ZC3H3: variants seen among roughly 807,000 people sequenced by gnomAD.
The protein encoded by ZC3H3 is zinc finger CCCH domain-containing protein 3.
A neutral mutation model predicts 77.3 loss-of-function variants in ZC3H3; 36 were observed. That is an observed-to-expected ratio of 0.47 (90% confidence interval 0.36 to 0.61). The LOEUF is 0.61. Among genes scored for constraint, ZC3H3 ranks in the 20% least tolerant of loss-of-function variants. ZC3H3 has a pLI of 0.00. For synonymous variants in ZC3H3, 626 were observed against 555.2 expected (o/e 1.13, Z -1.79); for missense variants, 1,331 against 1,312.2 (o/e 1.01, Z -0.22).
chr8:143,492,243 C>T (rs961895121), intron 4 of ZC3H3, among the ~76,000 whole-genome samples: 3 of 152,138 alleles, frequency 2.0e-5, no homozygotes, highest in Non-Finnish European at 2.9e-5. Flanking sequence ...GGCCTCCAGG[C>T]GCCCCCTCCT....
intron 3 of ZC3H3, among the ~76,000 whole-genome samples, chr8:143,518,393 G>A (rs1822129585): frequency 6.6e-6 from 1 of 152,256 alleles, no homozygotes; most frequent in Admixed American, 6.5e-5. Context: ...CTTCTCTCAG[G>A]AATCCTCTTC....
At chr8:143,478,059 A>G (rs383842) in intron 4 of ZC3H3, among the ~76,000 whole-genome samples, 3,228 of 152,268 alleles carry the variant, frequency 0.021, 115 homozygotes, top group African/African-American at 0.073. Flanking sequence ...CCCACGGCAC[A>G]GGCTGGGTTC....
At chr8:143,482,774 C>G (rs1014509282) in intron 4 of ZC3H3, among the ~76,000 whole-genome samples, 1 of 152,228 alleles carries the variant, frequency 6.6e-6, no homozygotes, top group South Asian at 2.1e-4. Flanking sequence ...GGACGTGACA[C>G]AGGGACGTGC....
intron 4 of ZC3H3, among the ~76,000 whole-genome samples, chr8:143,503,738 C>T (rs1354023766): frequency 1.3e-5 from 2 of 150,704 alleles, no homozygotes; most frequent in East Asian, 3.9e-4. Flanking sequence ...CTCCAGCACC[C>T]AGCCATCCCC....
chr8:143,460,450 C>T lies in ZC3H3; in HGVS notation c.2307+5267G>A, dbSNP rs549609188. On this transcript the variant is annotated intron_variant, in intron 9 of 11. Transcript: ENST00000262577. This position sits in a 1 kb window ranked among gnomAD's most constrained non-coding sequence, Gnocchi z 4.0. ...GGGAGGGTGTGGAGAAACGGGAACCCGTGCGCCGTTGCTGGGAACGTAAAG... is the reference window on the plus strand; with the variant it reads ...GGGAGGGTGTGGAGAAACGGGAACCTGTGCGCCGTTGCTGGGAACGTAAAG... 1.3e-5 allele frequency among the ~76,000 whole-genome samples: 2 copies of T among 152,146 alleles called. No homozygotes were observed. The highest frequency in any genetic ancestry group is 1.9e-4 in the East Asian group (1 of 5,186).
In ZC3H3 at chr8:143,533,628, C is replaced by T. The variant is rs1822692658; in HGVS notation, c.1561+2629G>A. Among the ~76,000 whole-genome samples, 1 of 152,098 alleles carries T rather than the reference C, an allele frequency of 6.6e-6. No individual in the cohort carries two copies. Among genetic ancestry groups the T allele is most frequent in the South Asian group, 2.1e-4 (1 of 4,822 alleles). On this transcript the variant is annotated intron_variant, in intron 3 of 11. Transcript: ENST00000262577. The surrounding 1 kb of genome is among the most constrained non-coding windows in gnomAD (Gnocchi z 4.0). ...TGGGCAAGTGAGTGGGACGCCTTCCCCACCCCTTCCTCAGACAGGACCCTC... is the reference window on the plus strand; with the variant it reads ...TGGGCAAGTGAGTGGGACGCCTTCCTCACCCCTTCCTCAGACAGGACCCTC...
rs772587287 is a variant in ZC3H3 at position 143,465,698 on chromosome 8, G to A, written c.2307+19C>T. 7.4e-6 allele frequency: 12 copies of A among 1,612,730 alleles called. No homozygotes were observed. Among genetic ancestry groups the A allele is most frequent in the Non-Finnish European group, 1.0e-5 (12 of 1,179,566 alleles). ...AGCCACAGGAACCCCGCCCACTCGGGCCCCCACAGACCACTCACCTTTGCA... is the reference window on the plus strand; with the variant it reads ...AGCCACAGGAACCCCGCCCACTCGGACCCCCACAGACCACTCACCTTTGCA... On this transcript the variant is annotated intron_variant, in intron 9 of 11. Transcript: ENST00000262577.
intron 3 of ZC3H3, among the ~76,000 whole-genome samples, chr8:143,531,423 G>C (rs890709252): frequency 5.9e-5 from 9 of 152,216 alleles, no homozygotes; most frequent in African/African-American, 2.2e-4. Flanking sequence ...AGAGGACTTC[G>C]GAGGGCCGGG....
At chr8:143,484,623 G>A (rs77904014) in intron 4 of ZC3H3, 2,259 of 165,050 alleles carry the variant, frequency 0.014, 47 homozygotes, top group African/African-American at 0.052. Context: ...CAGCTCGTCC[G>A]GCAGAGGTGC....
chr8:143,507,859 C>A lies in ZC3H3; in HGVS notation c.1602G>T (p.Lys534Asn). 1 of 1,609,822 alleles carries A rather than the reference C, an allele frequency of 6.2e-7. No individual in the cohort carries two copies. Among genetic ancestry groups the A allele is most frequent in the African/African-American group, 1.3e-5 (1 of 74,934 alleles). Residue 534 changes from lysine to asparagine, a missense_variant, in exon 4 of 12, where the codon AAG becomes AAT. Transcript: ENST00000262577. ...CAATGCGGTAGCGGGTCTTGATCAC[C>A]TTGCTGGTGGGTGCAGTCCGCACGG... ...LHAVRTAPTS[K>N]VIKTRYRIVK...
At chr8:143,535,400 C>T (rs1822761503) in intron 3 of ZC3H3, among the ~76,000 whole-genome samples, 1 of 152,184 alleles carries the variant, frequency 6.6e-6, no homozygotes, top group African/African-American at 2.4e-5. Flanking sequence ...CTGCTCAATC[C>T]CCAACGCCCC....
At chr8:143,464,428 C>T (rs551538672) in intron 9 of ZC3H3, among the ~76,000 whole-genome samples, 20 of 152,318 alleles carry the variant, frequency 1.3e-4, no homozygotes, top group African/African-American at 4.6e-4. Flanking sequence ...CTGGCCAACC[C>T]TTGGCCCGGC....
At chr8:143,491,360 C>T (rs57658017) in intron 4 of ZC3H3, among the ~76,000 whole-genome samples, 17,596 of 152,324 alleles carry the variant, frequency 0.12, 1,302 homozygotes, top group Admixed American at 0.2. Flanking sequence ...CTGTGGCCTG[C>T]GGTTCCGCCA....
intron 9 of ZC3H3, among the ~76,000 whole-genome samples, chr8:143,459,591 C>T (rs138876448): frequency 6.6e-6 from 1 of 152,232 alleles, no homozygotes; most frequent in Non-Finnish European, 1.5e-5. Flanking sequence ...TAACCAATTA[C>T]TCCCAGATGC....
chr8:143,522,472 G>A (rs1256471697), intron 3 of ZC3H3, among the ~76,000 whole-genome samples: 2 of 152,194 alleles, frequency 1.3e-5, no homozygotes, highest in Non-Finnish European at 2.9e-5. Context: ...ATGTGATGGC[G>A]TGAGCCTGTA....
chr8:143,472,715 G>A (rs537253257), intron 5 of ZC3H3, among the ~76,000 whole-genome samples: 2 of 152,224 alleles, frequency 1.3e-5, no homozygotes, highest in South Asian at 2.1e-4. Context: ...ACAGGATCCC[G>A]GCGAGGGCTG....
At chr8:143,518,716 C>T (rs1031052415) in intron 3 of ZC3H3, among the ~76,000 whole-genome samples, 2 of 152,220 alleles carry the variant, frequency 1.3e-5, no homozygotes, top group Non-Finnish European at 2.9e-5. Context: ...GGAGATGGCA[C>T]GTGGGAGCCA....
intron 4 of ZC3H3, among the ~76,000 whole-genome samples, chr8:143,480,201 C>T (rs565647893): frequency 3.3e-5 from 5 of 152,222 alleles, no homozygotes; most frequent in Non-Finnish European, 5.9e-5. Context: ...GAGAGGCTCA[C>T]TCTGAGGTCT....
rs1821299662 is a variant in ZC3H3 at position 143,494,711 on chromosome 8, C to T, written c.1715+13035G>A. On this transcript the variant is annotated intron_variant, in intron 4 of 11. Transcript: ENST00000262577. This position sits in a 1 kb window ranked among gnomAD's most constrained non-coding sequence, Gnocchi z 5.3. ...AGAGGGCCAGGAGCCCCCACACTCA[C>T]CCTGAGACCCTGGGCAGGAACAAAG... Among the ~76,000 whole-genome samples, 1 of 152,182 alleles carries T rather than the reference C, an allele frequency of 6.6e-6. No homozygotes were observed. The highest frequency in any genetic ancestry group is 2.4e-5 in the African/African-American group (1 of 41,440).
Sources: allele counts gnomAD v4.1 joint callset (sites outside exome capture counted in the v4.1 genomes callset), GRCh38; gene constraint gnomAD v4.1.1; non-coding constraint Gnocchi (gnomAD v3.1); transcripts MANE v1.5; gene names NCBI Gene and HGNC (gene_info 2026-07-23, HGNC 2026-07-21).